PUDP: variants seen among roughly 807,000 people sequenced by gnomAD.
PUDP encodes pseudouridine 5'-phosphatase.
In PUDP, 8 loss-of-function variants were observed where a neutral mutation model predicts 9.4. The observed-to-expected ratio is 0.85, with a 90% confidence interval of 0.50 to 1.53. The LOEUF is 1.53. Ranked by LOEUF, PUDP falls within the 40% of genes most tolerant of loss-of-function variation. The probability of loss-of-function intolerance (pLI) is 0.00; values close to 1 mark genes in which losing one functional copy is unlikely to be tolerated. For missense variants in PUDP, 188 were observed against 189.7 expected, an observed-to-expected ratio of 0.99 and a Z score of 0.05; for synonymous variants, 99 against 80.7, an observed-to-expected ratio of 1.23 and a Z score of -1.22.
intron 3 of PUDP, among the ~76,000 whole-genome samples, chrX:6,973,975 T>C (rs1181001055): frequency 8.9e-6 from 1 of 111,913 alleles, no homozygotes; most frequent in Non-Finnish European, 1.9e-5. Context: ...CTTTGTCCTT[T>C]TTGAGCTTTG....
chrX:6,782,558 A>G (rs1199009403), intron 3 of PUDP, among the ~76,000 whole-genome samples: 1 of 111,454 alleles, frequency 9.0e-6, no homozygotes, highest in Non-Finnish European at 1.9e-5. Flanking sequence ...CTACAGAGCA[A>G]GACTCCATCT....
chrX:6,803,767 G>A (rs776196543), intron 3 of PUDP, among the ~76,000 whole-genome samples: 2 of 111,792 alleles, frequency 1.8e-5, no homozygotes, highest in Non-Finnish European at 3.8e-5. Flanking sequence ...AAGAAAAATG[G>A]GCCAGGGTGT....
At chrX:7,070,274 AAAG>A (rs1437398558) in intron 3 of PUDP, among the ~76,000 whole-genome samples, 2 of 112,155 alleles carry the variant, frequency 1.8e-5, no homozygotes, top group East Asian at 5.6e-4. Flanking sequence ...TTAAATAACG[AAAG>A]AAGGGAGAAA....
chrX:7,087,628 T>C (rs752868641), intron 2 of PUDP, among the ~76,000 whole-genome samples: 2 of 112,729 alleles, frequency 1.8e-5, no homozygotes, highest in Admixed American at 1.9e-4. Context: ...AAATTTGTGA[T>C]ACTTGATGGG....
At chrX:7,059,372 C>T (rs1458420406) in intron 3 of PUDP, among the ~76,000 whole-genome samples, 2 of 112,138 alleles carry the variant, frequency 1.8e-5, no homozygotes, top group Admixed American at 9.4e-5. Context: ...CCCAGCAAGG[C>T]CCTGAAAGGT....
intron 3 of PUDP, among the ~76,000 whole-genome samples, chrX:6,802,559 G>A (rs1344274340): frequency 9.0e-6 from 1 of 110,970 alleles, no homozygotes; most frequent in African/African-American, 3.3e-5. Flanking sequence ...ATAGATGAGG[G>A]GGTAAAGTCT....
intron 3 of PUDP, among the ~76,000 whole-genome samples, chrX:6,777,791 C>T (rs1267265918): frequency 3.6e-5 from 4 of 111,427 alleles, no homozygotes; most frequent in East Asian, 5.7e-4. Context: ...CTTTCTGAAC[C>T]TTTATAGCAA....
chrX:6,890,951 AAAAAAAAAAAAAAAAT>A (rs1927505093), intron 3 of PUDP, among the ~76,000 whole-genome samples: 1 of 99,755 alleles, frequency 1.0e-5, no homozygotes, highest in African/African-American at 3.8e-5. Flanking sequence ...AAAAAAAAAA[AAAAAAAAAAAAAAAAT>A]AGCAGGGCAT....
chrX:6,718,014 G>T (rs776048976), intron 1 of PUDP, among the ~76,000 whole-genome samples: 1 of 110,996 alleles, frequency 9.0e-6, no homozygotes, highest in South Asian at 3.8e-4. Flanking sequence ...TTTGACAAAC[G>T]TCTTTTCATG....
chrX:6,938,789 T>TC (rs1384071512), intron 3 of PUDP, among the ~76,000 whole-genome samples: 2 of 67,846 alleles, frequency 2.9e-5, no homozygotes, highest in Admixed American at 2.1e-4. Context: ...TTTCTTTCTT[T>TC]TTTTTTTTTT....
chrX:6,853,364 C>T (rs1172740337), intron 3 of PUDP, among the ~76,000 whole-genome samples: 4 of 110,832 alleles, frequency 3.6e-5, no homozygotes, highest in Non-Finnish European at 7.6e-5. Context: ...TAAAAATTTC[C>T]TCCCATAGCT....
intron 3 of PUDP, among the ~76,000 whole-genome samples, chrX:6,836,008 T>C (rs1477105380): frequency 9.0e-6 from 1 of 111,135 alleles, no homozygotes; most frequent in African/African-American, 3.3e-5. Context: ...TGTGAGCCAC[T>C]ACACCCGGCC....
intron 3 of PUDP, among the ~76,000 whole-genome samples, chrX:6,929,015 T>C (rs1367124539): frequency 8.9e-6 from 1 of 112,163 alleles, no homozygotes; most frequent in Non-Finnish European, 1.9e-5. Flanking sequence ...TAGAAAAACA[T>C]GATCAGATGT....
chrX:7,099,945 G>A (rs1931680244), intron 2 of PUDP, among the ~76,000 whole-genome samples: 1 of 109,186 alleles, frequency 9.2e-6, no homozygotes, highest in Non-Finnish European at 1.9e-5. Flanking sequence ...GGTCTAGGTA[G>A]ACACACTCCC....
rs182361688 is a variant in PUDP at position 7,091,440 on chromosome X, G to A, written c.281-13991C>T. On this transcript the variant is annotated intron_variant, in intron 2 of 3. Coordinates refer to ENST00000381077, the MANE Select transcript of PUDP (RefSeq NM_012080.5). ...TGCAATCTCTGCCTCCCTAGTTCAA[G>A]CAATTCTCCTGCCTCAGCCTCTCAA... 7.1e-3 allele frequency among the ~76,000 whole-genome samples: 795 copies of A among 111,713 alleles called. 2 individuals are homozygous for A. The highest frequency in any genetic ancestry group is 0.013 in the South Asian group (33 of 2,623).
At chrX:6,768,106 GT>G (rs1925308279) in intron 3 of PUDP, among the ~76,000 whole-genome samples, 1 of 111,935 alleles carries the variant, frequency 8.9e-6, no homozygotes, top group Non-Finnish European at 1.9e-5. Context: ...ATAATCCAAT[GT>G]TGGAATTTTA....
chrX:7,088,241 C>T (rs1210661210), intron 2 of PUDP, among the ~76,000 whole-genome samples: 1 of 111,499 alleles, frequency 9.0e-6, no homozygotes, highest in Non-Finnish European at 1.9e-5. Context: ...AGGACTACAG[C>T]GTGTAATTTT....
At chrX:6,881,754 C>CA (rs200393317) in intron 3 of PUDP, among the ~76,000 whole-genome samples, 1 of 110,233 alleles carries the variant, frequency 9.1e-6, no homozygotes, top group Non-Finnish European at 1.9e-5. Context: ...AAAGCCCCTA[C>CA]AAAAAAACAA....
At chrX:6,798,521 G>A (rs1925880043) in intron 3 of PUDP, among the ~76,000 whole-genome samples, 1 of 111,492 alleles carries the variant, frequency 9.0e-6, no homozygotes, top group Non-Finnish European at 1.9e-5. Context: ...TTGGAAAAAA[G>A]GGTAAAAGAA....
Sources: gnomAD v4.1 joint callset for allele counts (sites outside exome capture counted in the v4.1 genomes callset) on GRCh38, gnomAD v4.1.1 for gene constraint, MANE v1.5 for transcripts, NCBI Gene and HGNC (gene_info 2026-07-23, HGNC 2026-07-21) for gene names.